VEPH1: variants seen among roughly 807,000 people sequenced by gnomAD.
The protein encoded by VEPH1 is ventricular zone-expressed PH domain-containing protein homolog 1.
A neutral mutation model predicts 85.2 loss-of-function variants in VEPH1; 80 were observed. That is an observed-to-expected ratio of 0.94 (90% CI 0.78 to 1.13). VEPH1 has a LOEUF of 1.13. Among genes scored for constraint, VEPH1 ranks in the 50% most tolerant of loss-of-function variants. The pLI, the probability that VEPH1 is intolerant of heterozygous loss-of-function variation, is 0.00. For missense variants in VEPH1, 955 were observed against 980.5 expected (o/e 0.97, Z 0.35); for synonymous variants, 297 against 348.0 (o/e 0.85, Z 1.63).
At chr3:157,482,813 G>A (rs1282778579) in intron 2 of VEPH1, among the ~76,000 whole-genome samples, 1 of 152,120 alleles carries the variant, frequency 6.6e-6, no homozygotes, top group Non-Finnish European at 1.5e-5. Context: ...GTATAGAAAT[G>A]ATACTGCTTG....
chr3:157,267,961 C>T lies in VEPH1; in HGVS notation c.2129-2299G>A, dbSNP rs544307096. 1.2e-4 allele frequency among the ~76,000 whole-genome samples: 18 copies of T among 152,260 alleles called. No homozygotes were observed. In the East Asian group the frequency reaches 3.1e-3, roughly 26 times the overall value. On this transcript the variant is annotated intron_variant, in intron 12 of 13. Transcript: ENST00000362010. ...TTGATCTGACACCTCAGTGATAAGACCCCCAATCTTCTGAGAAGCTCTGGT... is the reference window on the plus strand; with the variant it reads ...TTGATCTGACACCTCAGTGATAAGATCCCCAATCTTCTGAGAAGCTCTGGT...
chr3:157,480,881 A>T (rs951180699), intron 2 of VEPH1, among the ~76,000 whole-genome samples: 25 of 152,180 alleles, frequency 1.6e-4, no homozygotes, highest in African/African-American at 5.8e-4. Context: ...TGGTTTCCAC[A>T]GTGGCTGAAC....
At chr3:157,328,951 CA>C (rs1298676484) in intron 9 of VEPH1, among the ~76,000 whole-genome samples, 2 of 152,172 alleles carry the variant, frequency 1.3e-5, no homozygotes, top group African/African-American at 4.8e-5. Context: ...TCTAAGGTCA[CA>C]TGGCTAGCAA....
At chr3:157,340,189 G>C (rs1222044412) in intron 9 of VEPH1, among the ~76,000 whole-genome samples, 1 of 152,210 alleles carries the variant, frequency 6.6e-6, no homozygotes, top group Non-Finnish European at 1.5e-5. Flanking sequence ...GACAGTGGGT[G>C]CAGCCCACTG....
intron 4 of VEPH1, 159 bp downstream of exon 4, chr3:157,460,022 T>A (rs1322822124): frequency 6.4e-7 from 1 of 1,558,988 alleles, no homozygotes; most frequent in Non-Finnish European, 8.6e-7. Context: ...CCAGATTAAG[T>A]AACCTTTTGC....
intron 9 of VEPH1, among the ~76,000 whole-genome samples, chr3:157,331,891 A>G (rs1210846474): frequency 2.6e-5 from 4 of 152,200 alleles, no homozygotes; most frequent in African/African-American, 9.7e-5. Context: ...ACAGGGGCTA[A>G]TAGGAAACAC....
rs1721864757 is a variant in VEPH1 at position 157,326,022 on chromosome 3, T to C, written c.1736-8821A>G. Among the ~76,000 whole-genome samples the C allele has an allele frequency of 1.3e-5, 2 of 152,216 alleles. 1 individual carries two copies. The highest frequency in any genetic ancestry group is 4.8e-5 in the African/African-American group (2 of 41,466). The stretch of plus-strand genomic sequence containing the variant: ...TCCGATTTCTTTGAGCAGCAGTTTG[T>C]AGTTCTCCTTGAAGAGGTCCTTCAC... On this transcript the variant is annotated intron_variant, in intron 9 of 13. Transcript: ENST00000362010.
chr3:157,341,367 A>G (rs1010265429), intron 9 of VEPH1, among the ~76,000 whole-genome samples: 1 of 152,268 alleles, frequency 6.6e-6, no homozygotes, highest in African/African-American at 2.4e-5. Context: ...CATGAGAACT[A>G]TATGACGAAT....
chr3:157,285,005 G>A (rs927227351), intron 12 of VEPH1: 2 of 152,184 alleles, frequency 1.3e-5, no homozygotes, highest in Admixed American at 1.3e-4. Flanking sequence ...CCCTTGGCCA[G>A]ATATGATTAA....
intron 6 of VEPH1, among the ~76,000 whole-genome samples, chr3:157,387,279 A>T (rs1306920126): frequency 2.0e-5 from 3 of 152,178 alleles, no homozygotes; most frequent in Non-Finnish European, 4.4e-5. Context: ...CAACTCAGAA[A>T]ATGGCCAAAC....
At chr3:157,459,754 A>C (rs1362354742) in intron 4 of VEPH1, 31 of 1,443,938 alleles carry the variant, frequency 2.1e-5, no homozygotes, top group Non-Finnish European at 2.7e-5. Flanking sequence ...AAGTCATTAC[A>C]CATTTTCTGA....
chr3:157,269,639 GTTGT>G (rs1714249445), intron 12 of VEPH1, among the ~76,000 whole-genome samples: 3 of 78,564 alleles, frequency 3.8e-5, no homozygotes, highest in East Asian at 3.7e-4. Context: ...TTTTGTTTTT[GTTGT>G]TTTTTTTTTT....
intron 1 of VEPH1, among the ~76,000 whole-genome samples, chr3:157,496,092 C>G (rs560735887): frequency 6.6e-6 from 1 of 152,288 alleles, no homozygotes; most frequent in Non-Finnish European, 1.5e-5. Flanking sequence ...AATAAAGATG[C>G]TGCTTAGGAG....
At chr3:157,499,438 C>A (rs1333213221) in intron 1 of VEPH1, 1 of 152,154 alleles carries the variant, frequency 6.6e-6, no homozygotes, top group African/African-American at 2.4e-5. Context: ...TACTCAGCTG[C>A]ATGGTTTGAG....
chr3:157,345,694 G>T (rs1724135898), intron 9 of VEPH1, among the ~76,000 whole-genome samples: 1 of 152,152 alleles, frequency 6.6e-6, no homozygotes, highest in South Asian at 2.1e-4. Context: ...ATACCCAAAG[G>T]ATTATAAATC....
In VEPH1 at chr3:157,313,687, C is replaced by G. The variant is rs777988696; in HGVS notation, c.1944G>C (p.Lys648Asn). 2.5e-6 allele frequency: 4 copies of G among 1,614,140 alleles called. No homozygotes were observed. The highest frequency in any genetic ancestry group is 2.5e-6 in the Non-Finnish European group (3 of 1,180,018). ...SVQFLRALWE[K>N]TQAGGAHSFE... ...AGCTGTGAGCACCCCCTGCCTGGGT[C>G]TTCTCCCACAGAGCTCTGAGGAATT... Residue 648 changes from lysine to asparagine, a missense_variant, in exon 11 of 14, where the codon AAG (lysine) becomes AAC (asparagine). Transcript: ENST00000362010.
chr3:157,366,598 G>A (rs1393370274), intron 7 of VEPH1, among the ~76,000 whole-genome samples: 1 of 152,150 alleles, frequency 6.6e-6, no homozygotes, highest in Non-Finnish European at 1.5e-5. Context: ...AGCTGGGTGT[G>A]GTGTCAGGCA....
At chr3:157,489,970 AT>A (rs1245804159) in intron 2 of VEPH1, among the ~76,000 whole-genome samples, 1 of 151,994 alleles carries the variant, frequency 6.6e-6, no homozygotes, top group Non-Finnish European at 1.5e-5. Flanking sequence ...TCAGAAAAAA[AT>A]ATAAAACACT....
intron 5 of VEPH1, among the ~76,000 whole-genome samples, chr3:157,422,621 C>T (rs1000917789): frequency 1.3e-5 from 2 of 152,280 alleles, no homozygotes; most frequent in Admixed American, 1.3e-4. Flanking sequence ...CAACTCCACT[C>T]CTCACCCCAA....
Sources: allele counts gnomAD v4.1 joint callset (sites outside exome capture counted in the v4.1 genomes callset), GRCh38; gene constraint gnomAD v4.1.1; transcripts MANE v1.5; gene names NCBI Gene and HGNC (gene_info 2026-07-23, HGNC 2026-07-21).